Variants in GMFG observed in about 807,000 individuals in gnomAD.
GMFG encodes the protein glia maturation factor gamma.
A neutral mutation model predicts 26.1 loss-of-function variants in GMFG; 21 were observed. The observed-to-expected ratio is 0.80, with a 90% confidence interval of 0.57 to 1.16. GMFG has a LOEUF of 1.16. Ranked by LOEUF, GMFG falls within the 50% of genes most tolerant of loss-of-function variation. The pLI is 0.00. For missense variants in GMFG, 161 were observed against 178.3 expected (o/e 0.90, Z 0.55); for synonymous variants, 65 against 60.8 (o/e 1.07, Z -0.32).
intron 1 of GMFG, 64 bp downstream of exon 1, chr19:39,335,910 T>A (rs1403630213): frequency 2.9e-5 from 33 of 1,137,780 alleles, no homozygotes; most frequent in Non-Finnish European, 4.2e-5. Context: ...TTCGCCCAGG[T>A]GTCCTCCAAG....
At chr19:39,328,665 G>A (rs2075213513) in intron 6 of GMFG, 117 bp from the exon 7 acceptor site, 2 of 745,546 alleles carry the variant, frequency 2.7e-6, no homozygotes, top group Non-Finnish European at 4.8e-6. Flanking sequence ...GATCACTTAA[G>A]GTCAGGAGTT....
rs767205634 is a variant in GMFG at position 39,329,000 on chromosome 19, C to T, written c.357G>A (p.Lys119=). 2.5e-6 allele frequency: 4 copies of T among 1,609,700 alleles called. No individual in the cohort carries two copies. In the South Asian group the frequency reaches 4.4e-5, roughly 18 times the overall value. Reference sequence around the variant, plus strand: ...TCTGGAGCCCCATCCCAGTCTGAACCTTTGTGAGCTCTGCTGTCTGCACCA... The same window carrying T: ...TCTGGAGCCCCATCCCAGTCTGAACTTTTGTGAGCTCTGCTGTCTGCACCA... ...NRLVQTAELT[K]VFEIRTTDDL... The change falls in exon 6 of 7, where the codon AAG becomes AAA. Residue 119 remains lysine, a splice_region_variant and synonymous_variant. Coordinates refer to ENST00000597595, the MANE Select transcript of GMFG (RefSeq NM_004877.4).
chr19:39,329,976 G>A (rs2075219985), intron 4 of GMFG, among the ~76,000 whole-genome samples: 1 of 152,094 alleles, frequency 6.6e-6, no homozygotes, highest in East Asian at 1.9e-4. Flanking sequence ...CTAGTCAGGA[G>A]GCTGAGGCAG....
rs370207146 is a variant in GMFG at position 39,329,623 on chromosome 19, G to A, written c.204C>T (p.Phe68=). ...KMELPERQPR[F]VVYSYKYVHD... ...GCACGTACTTGTAGCTGTAAACCAC[G>A]AACCTACCGTGAAAGGGAATTGAAA... The change falls in exon 5 of 7, where the codon TTC becomes TTT. Residue 68 remains phenylalanine, a synonymous_variant. Transcript: ENST00000597595. 1.8e-5 allele frequency: 28 copies of A among 1,598,792 alleles called. No homozygotes were observed. The highest frequency in any genetic ancestry group is 4.5e-5 in the East Asian group (2 of 44,806).
chr19:39,329,621 A>T lies in GMFG; in HGVS notation c.206T>A (p.Val69Glu). ...ATGCACGTACTTGTAGCTGTAAACC[A>T]CGAACCTACCGTGAAAGGGAATTGA... Reference protein sequence around the residue: ...MELPERQPRFVVYSYKYVHDD... With the variant: ...MELPERQPRFEVYSYKYVHDD... The change falls in exon 5 of 7, where the codon GTG (valine) becomes GAG (glutamate). Residue 69 changes from valine to glutamate, a missense_variant. Coordinates refer to ENST00000597595, the MANE Select transcript of GMFG (RefSeq NM_004877.4). The T allele has an allele frequency of 6.2e-7, 1 of 1,601,808 alleles. No individual in the cohort carries two copies. The highest frequency in any genetic ancestry group is 1.3e-5 in the African/African-American group (1 of 74,760).
chr19:39,328,596 C>G, intron 6 of GMFG, 48 bp from the exon 7 acceptor site: 1 of 1,427,212 alleles, frequency 7.0e-7, no homozygotes, highest in Non-Finnish European at 9.9e-7. Context: ...AACACTGAGA[C>G]AGTGGCTGGG....
chr19:39,333,402 C>T (rs1029622625), intron 3 of GMFG, among the ~76,000 whole-genome samples: 8 of 151,526 alleles, frequency 5.3e-5, no homozygotes, highest in African/African-American at 1.7e-4. Flanking sequence ...GCCGAGATCG[C>T]GCCACTGCAC....
At chr19:39,330,367 C>T (rs944115540) in intron 4 of GMFG, among the ~76,000 whole-genome samples, 2 of 152,112 alleles carry the variant, frequency 1.3e-5, no homozygotes, top group Non-Finnish European at 2.9e-5. Flanking sequence ...GCATCTTGTT[C>T]AAGAAGCAGG....
At chr19:39,331,374 C>T (rs1048110543) in intron 4 of GMFG, among the ~76,000 whole-genome samples, 3 of 152,188 alleles carry the variant, frequency 2.0e-5, no homozygotes, top group Admixed American at 6.5e-5. Context: ...AGAAGGTGAC[C>T]GTTAACCCCC....
In GMFG at chr19:39,335,249, C is replaced by T. The variant is rs368775222; in HGVS notation, c.150+12G>A. On this transcript the variant is annotated intron_variant, in intron 3 of 6. Transcript: ENST00000597595. ...CCTGTACCTCCCAGTCCCAATCACC[C>T]CAGCCCATCACCTGAAATTCTTCCT... 183 of 1,554,132 alleles carry T rather than the reference C, an allele frequency of 1.2e-4. 2 individuals are homozygous for T. The East Asian group carries it at 1.5e-3, about 13-fold the overall frequency.
chr19:39,329,339 G>T (rs1253572427), intron 5 of GMFG, among the ~76,000 whole-genome samples: 1 of 152,132 alleles, frequency 6.6e-6, no homozygotes, highest in Non-Finnish European at 1.5e-5. Flanking sequence ...GAACGGGTGG[G>T]CTCTTGGTGA....
Position 39,336,000 on chromosome 19 carries a change from T to C in GMFG, c.-24A>G. The C allele has an allele frequency of 4.4e-6, 7 of 1,599,338 alleles. No homozygotes were observed. Among genetic ancestry groups the C allele is most frequent in the Non-Finnish European group, 6.0e-6 (7 of 1,166,720 alleles). On this transcript the variant is annotated 5_prime_UTR_variant, in exon 1 of 7. Transcript: ENST00000597595. ...ATGATTGTTCTGTCCACAGGCCTCT[T>C]CTTTTCTTAGTTCCGCTGTCTTCTA... is the stretch of plus-strand genomic sequence containing the variant.
chr19:39,330,576 A>C, intron 4 of GMFG, among the ~76,000 whole-genome samples: 1 of 149,550 alleles, frequency 6.7e-6, no homozygotes, highest in Non-Finnish European at 1.5e-5. Flanking sequence ...GTATAGGTGC[A>C]CACCACCATG....
At chr19:39,331,527 T>C (rs1321194797) in intron 4 of GMFG, among the ~76,000 whole-genome samples, 1 of 152,138 alleles carries the variant, frequency 6.6e-6, no homozygotes, top group East Asian at 1.9e-4. Context: ...CAGACCAGTT[T>C]TCACAGAAAT....
rs971125983 is a variant in GMFG, at chr19:39,330,912, A to G, written c.201-1286T>C. ...ACTGCGCCTGGCCTTTTTTTAAAAA[A>G]TTTTAGTAGAAATGGGGGTCTTGTT... On this transcript the variant is annotated intron_variant, in intron 4 of 6. Transcript: ENST00000597595. Among the ~76,000 whole-genome samples the G allele has an allele frequency of 9.3e-5, 14 of 150,822 alleles. No homozygotes were observed. The East Asian group carries it at 2.7e-3, about 29-fold the overall frequency.
chr19:39,331,406 G>A (rs1242782502), intron 4 of GMFG, among the ~76,000 whole-genome samples: 1 of 152,212 alleles, frequency 6.6e-6, no homozygotes, highest in Non-Finnish European at 1.5e-5. Context: ...CCCCTCCTGG[G>A]TGCGGGGCCC....
intron 1 of GMFG, among the ~76,000 whole-genome samples, 182 bp from the exon 2 acceptor site, chr19:39,335,713 T>TG (rs1475862244): frequency 2.0e-5 from 3 of 152,090 alleles, no homozygotes; most frequent in African/African-American, 4.8e-5. Flanking sequence ...GCACTCAGCT[T>TG]GGGGGGCGGA....
intron 6 of GMFG, 115 bp downstream of exon 6, chr19:39,328,885 A>C (rs2075214408): frequency 1.2e-6 from 1 of 815,194 alleles, no homozygotes; most frequent in African/African-American, 1.8e-5. Flanking sequence ...TCTTTAAAAA[A>C]ACAAAAACAA....
intron 1 of GMFG, 48 bp from the exon 2 acceptor site, chr19:39,335,579 C>A: frequency 4.9e-6 from 6 of 1,230,644 alleles, no homozygotes; most frequent in Non-Finnish European, 7.2e-6. Flanking sequence ...CCTCAGCCCT[C>A]ACCCCTTCCC....
Sources: allele counts gnomAD v4.1 joint callset (sites outside exome capture counted in the v4.1 genomes callset), GRCh38; gene constraint gnomAD v4.1.1; transcripts MANE v1.5; gene names NCBI Gene and HGNC (gene_info 2026-07-23, HGNC 2026-07-21).